Variants in INTS1 observed in about 807,000 individuals in gnomAD.
INTS1 encodes the protein integrator complex subunit 1.
INTS1 carries 137 observed loss-of-function variants against 241.6 expected under a neutral mutation model. That is an observed-to-expected ratio of 0.57 (90% CI 0.49 to 0.65). The LOEUF (loss-of-function observed/expected upper bound fraction) is 0.65, where lower values mean the gene tolerates loss of function less well. Among genes scored for constraint, INTS1 ranks in the 30% least tolerant of loss-of-function variants. INTS1 has a pLI of 0.00. For synonymous variants in INTS1, 1,692 were observed against 1,337.8 expected, an observed-to-expected ratio of 1.26 and a Z score of -5.78; for missense variants, 3,073 against 3,032.2, an observed-to-expected ratio of 1.01 and a Z score of -0.32.
At chr7:1,471,433 TG>T in intron 45 of INTS1, 137 bp downstream of exon 45, 1 of 1,067,662 alleles carries the variant, frequency 9.4e-7, no homozygotes, top group Non-Finnish European at 1.4e-6. Context: ...ACACCTGGGC[TG>T]GGGCCCCCAC....
chr7:1,480,752 C>T, intron 29 of INTS1, 83 bp downstream of exon 29: 1 of 1,146,030 alleles, frequency 8.7e-7, no homozygotes, highest in Non-Finnish European at 1.3e-6. Context: ...CAGGCCCCGT[C>T]CCCCTCCCCA....
intron 12 of INTS1, 25 bp from the exon 13 acceptor site, chr7:1,495,578 G>T: frequency 6.3e-7 from 1 of 1,594,420 alleles, no homozygotes. Flanking sequence ...CAGCTTAGTG[G>T]CCCATCCGAG....
At chr7:1,495,653 G>A (rs1232510647) in intron 12 of INTS1, 100 bp from the exon 13 acceptor site, 11 of 1,444,978 alleles carry the variant, frequency 7.6e-6, no homozygotes, top group Admixed American at 2.2e-5. Context: ...TTGGGAGGGG[G>A]TAACTCAGGG....
rs747860438 is a variant in INTS1 at position 1,489,307 on chromosome 7, C to T, written c.2318+37G>A. ...AGCGGAACGAGACCAGGCCCTGCTC[C>T]CCATCCCGGGCCCGCCGAGGGGACG... On this transcript the variant is annotated intron_variant, in intron 18 of 47. Coordinates refer to ENST00000404767, the MANE Select transcript of INTS1 (RefSeq NM_001080453.3). The T allele has an allele frequency of 2.0e-5, 32 of 1,591,048 alleles. No homozygotes were observed. The African/African-American group carries it at 3.4e-4, about 17-fold the overall frequency.
Position 1,504,352 on chromosome 7 carries a change from G to T in INTS1, c.-71C>A, listed in dbSNP as rs906194800. 7 of 497,340 alleles carry T rather than the reference G, an allele frequency of 1.4e-5. No individual in the cohort carries two copies. The highest frequency in any genetic ancestry group is 2.7e-5 in the Non-Finnish European group (7 of 256,090). 30.8% of individuals were successfully genotyped at this position (497,340 alleles called of 1,614,324 possible). A position where few individuals can be genotyped will look rare whatever the true frequency, so the allele number is the denominator to read the frequency against. ...GGCCCATCGCGACCGGAGCGCCGCC[G>T]CCGCCACCCGGCCACCCCGGAATCG... On this transcript the variant is annotated 5_prime_UTR_variant, in exon 1 of 48. Transcript: ENST00000404767.
rs528329352 is a variant in INTS1 at position 1,498,952 on chromosome 7, ACCCCCCC to A, written c.1137+16_1137+22del. Reference sequence around the variant, plus strand: ...CCTGCCCCCACCCCCTGCCCCGCCCACCCCCCCGGGGCGCCCCCGCACCTTGGGGTTC... The same window carrying A: ...CCTGCCCCCACCCCCTGCCCCGCCCAGGGGCGCCCCCGCACCTTGGGGTTC... On this transcript the variant is annotated intron_variant, in intron 8 of 47. Coordinates refer to ENST00000404767, the MANE Select transcript of INTS1 (RefSeq NM_001080453.3). 1,107 of 979,100 alleles carry A rather than the reference ACCCCCCC, an allele frequency of 1.1e-3. 8 individuals are homozygous for A. The African/African-American group carries it at 0.023, about 21-fold the overall frequency. The allele number at this position is 979,100 out of a possible 1,614,324, so 60.7% of individuals were successfully genotyped here.
chr7:1,485,250 T>C (rs1562500133), intron 23 of INTS1, 40 bp downstream of exon 23: 1 of 1,597,420 alleles, frequency 6.3e-7, no homozygotes, highest in Admixed American at 1.7e-5. Flanking sequence ...GCTGCGGCCC[T>C]CTCATCTTTC....
rs2128541759 is a variant in INTS1, at chr7:1,493,091, T to C, written c.2084A>G (p.Lys695Arg). The C allele has an allele frequency of 1.2e-6, 2 of 1,613,350 alleles. No homozygotes were observed. The highest frequency in any genetic ancestry group is 2.2e-5 in the East Asian group (1 of 44,856). ...GTCGATCAGCTGGGTCCTCCCCACC[T>C]TCAGCACCTCCACATCTAAGACCAA... ...AVQADDVEVL[K>R]VGRTQLIDAV... is the part of the protein sequence containing the mutation. The change falls in exon 16 of 48, where the codon AAG becomes AGG. Residue 695 changes from lysine (K) to arginine (R), a missense_variant. By Grantham distance (26) the Lys-to-Arg change is conservative. Coordinates refer to ENST00000404767, the MANE Select transcript of INTS1 (RefSeq NM_001080453.3). This position sits in a 1 kb window ranked among gnomAD's most constrained non-coding sequence, Gnocchi z 5.3.
intron 13 of INTS1, 146 bp from the exon 14 acceptor site, chr7:1,495,039 C>A: frequency 1.1e-6 from 1 of 930,990 alleles, no homozygotes; most frequent in South Asian, 1.5e-5. Flanking sequence ...CTCCTCACAG[C>A]ACCACCAAAG....
chr7:1,478,713 G>A lies in INTS1; in HGVS notation c.4489+13C>T. 1 of 1,548,958 alleles carries A rather than the reference G, an allele frequency of 6.5e-7. No individual in the cohort carries two copies. Among genetic ancestry groups the A allele is most frequent in the African/African-American group, 1.4e-5 (1 of 73,536 alleles). On this transcript the variant is annotated intron_variant, in intron 32 of 47. Transcript: ENST00000404767. Reference sequence around the variant, plus strand: ...TGCCCCCCAGCCGTCTGCCAGCCCGGCGCGGTCCTCACCATCACTGAGCCT... The same window carrying A: ...TGCCCCCCAGCCGTCTGCCAGCCCGACGCGGTCCTCACCATCACTGAGCCT...
At chr7:1,492,953 TGGGGAGC>T (rs1782648559) in intron 16 of INTS1, 50 bp downstream of exon 16, 1 of 1,292,240 alleles carries the variant, frequency 7.7e-7, no homozygotes, top group African/African-American at 1.6e-5. Context: ...CGGGTGGGAG[TGGGGAGC>T]GGGGCGCGGG....
chr7:1,487,163 C>A (rs1375508864), intron 20 of INTS1, 62 bp from the exon 21 acceptor site: 1 of 1,524,920 alleles, frequency 6.6e-7, no homozygotes, highest in Non-Finnish European at 8.8e-7. Context: ...CCGCCAGCCC[C>A]CCGGGTGACC....
Position 1,477,884 on chromosome 7 carries a change from A to C in INTS1, c.4683T>G (p.Thr1561=). Residue 1561 remains threonine, a synonymous_variant, in exon 34 of 48, where the codon ACT becomes ACG. Coordinates refer to ENST00000404767, the MANE Select transcript of INTS1 (RefSeq NM_001080453.3). ...VRSPHLEELL[T]AFFSATADAA... ...CATCCGCAGTGGCAGAGAAGAATGC[A>C]GTCAGCAGCTCCTCCAGGTGGGGGG... 1 of 1,612,614 alleles carries C rather than the reference A, an allele frequency of 6.2e-7. No homozygotes were observed. Among genetic ancestry groups the C allele is most frequent in the Non-Finnish European group, 8.5e-7 (1 of 1,179,836 alleles).
At chr7:1,500,074 G>C in intron 4 of INTS1, 53 bp from the exon 5 acceptor site, 1 of 1,601,412 alleles carries the variant, frequency 6.2e-7, no homozygotes, top group Non-Finnish European at 8.5e-7. Flanking sequence ...CAGAGGCAAA[G>C]CTGGGGTGGG....
chr7:1,472,784 C>G (rs1242647601), intron 43 of INTS1, among the ~76,000 whole-genome samples: 1 of 117,418 alleles, frequency 8.5e-6, no homozygotes, highest in Non-Finnish European at 1.6e-5. Flanking sequence ...AGGGACACCT[C>G]GGACAAGCAC....
chr7:1,484,235 G>T, intron 24 of INTS1, 65 bp from the exon 25 acceptor site: 2 of 1,517,898 alleles, frequency 1.3e-6, no homozygotes, highest in Non-Finnish European at 8.9e-7. Context: ...CAGCTGGGGT[G>T]ACCTCGTCGC....
chr7:1,499,086 G>C lies in INTS1; in HGVS notation c.1026C>G (p.Pro342=). ...GGAGGTTCCTGGAGACGTTGTCGAT[G>C]GGCTGGCGCCGGTTCAGCTGGTCCC... is the stretch of plus-strand genomic sequence containing the variant. ...MLRDQLNRRQ[P]IDNVSRNLLR... is the part of the protein sequence containing the mutation. The change falls in exon 8 of 48, where the codon CCC becomes CCG. Residue 342 remains proline, a synonymous_variant. Coordinates refer to ENST00000404767, the MANE Select transcript of INTS1 (RefSeq NM_001080453.3). The C allele has an allele frequency of 6.2e-7, 1 of 1,609,900 alleles. No individual in the cohort carries two copies. The highest frequency in any genetic ancestry group is 2.2e-5 in the East Asian group (1 of 44,812).
intron 3 of INTS1, chr7:1,500,779 C>A: frequency 5.7e-6 from 1 of 175,228 alleles, no homozygotes; most frequent in Non-Finnish European, 1.2e-5. Flanking sequence ...CTCCAGCATG[C>A]CCTTCTTCCC....
chr7:1,471,247 G>A (rs1781454993), intron 45 of INTS1, 23 bp from the exon 46 acceptor site: 1 of 1,558,900 alleles, frequency 6.4e-7, no homozygotes, highest in Non-Finnish European at 8.7e-7. Flanking sequence ...AAGGTGGGAG[G>A]TGTGTGACCA....
Sources: allele counts gnomAD v4.1 joint callset (sites outside exome capture counted in the v4.1 genomes callset), GRCh38; gene constraint gnomAD v4.1.1; non-coding constraint Gnocchi (gnomAD v3.1); transcripts MANE v1.5; gene names NCBI Gene and HGNC (gene_info 2026-07-23, HGNC 2026-07-21).